Variants in ACER3 observed in about 807,000 individuals in gnomAD.
The protein encoded by ACER3 is alkCDase 3.
ACER3 carries 16 observed loss-of-function variants against 48.9 expected under a neutral mutation model. The observed-to-expected ratio is 0.33, with a 90% confidence interval of 0.22 to 0.50. The LOEUF (loss-of-function observed/expected upper bound fraction) is 0.50. Ranked by LOEUF, ACER3 falls within the 20% of genes least tolerant of loss-of-function variation. The probability of loss-of-function intolerance (pLI) is 0.98; values close to 1 mark genes in which losing one functional copy is unlikely to be tolerated. For synonymous variants in ACER3, 109 were observed against 107.8 expected, an observed-to-expected ratio of 1.01 and a Z score of -0.07; for missense variants, 227 against 326.0, an observed-to-expected ratio of 0.70 and a Z score of 2.34.
chr11:76,964,954 G>A (rs557727360), intron 3 of ACER3, among the ~76,000 whole-genome samples: 2 of 151,482 alleles, frequency 1.3e-5, no homozygotes, highest in South Asian at 4.1e-4. Flanking sequence ...AACAAAGCTG[G>A]ACGGAGAATG....
chr11:77,005,991 A>ATATATT lies in ACER3; in HGVS notation c.497+7171_497+7172insATATTT, dbSNP rs1388727709. ...TATATACATATATATATATATATAT[A>ATATATT]TTTTTTTTTTTTTTTGAGCCAGAGT... On this transcript the variant is annotated intron_variant, in intron 7 of 10. Coordinates refer to ENST00000532485, the MANE Select transcript of ACER3 (RefSeq NM_018367.7). 2.0e-4 allele frequency among the ~76,000 whole-genome samples: 20 copies of ATATATT among 100,876 alleles called. 1 individual carries two copies. Among genetic ancestry groups the ATATATT allele is most frequent in the African/African-American group, 7.9e-4 (20 of 25,294 alleles). 66.2% of individuals were successfully genotyped at this position (100,876 alleles called of 152,430 possible).
chr11:76,971,368 C>T (rs181212230), intron 3 of ACER3, among the ~76,000 whole-genome samples: 12 of 151,924 alleles, frequency 7.9e-5, no homozygotes, highest in Non-Finnish European at 1.2e-4. Context: ...GGTGAAACCC[C>T]GTCTCCACTA....
chr11:76,947,994 C>T (rs980852275), intron 2 of ACER3, among the ~76,000 whole-genome samples: 2 of 152,136 alleles, frequency 1.3e-5, no homozygotes, highest in African/African-American at 4.8e-5. Context: ...GTAGAATTGC[C>T]TAAGGCGGAA....
chr11:76,921,438 A>G (rs1392192259), intron 1 of ACER3, among the ~76,000 whole-genome samples: 4 of 152,204 alleles, frequency 2.6e-5, no homozygotes, highest in Non-Finnish European at 4.4e-5. Flanking sequence ...TTTTTCCTAT[A>G]TAAATATGCA....
intron 6 of ACER3, 57 bp downstream of exon 6, chr11:76,990,631 G>T: frequency 8.9e-7 from 1 of 1,128,954 alleles, no homozygotes; most frequent in South Asian, 1.3e-5. Flanking sequence ...GCTGCTTTGT[G>T]ATTTCCTTGT....
chr11:76,942,943 A>G (rs566094861), intron 2 of ACER3, among the ~76,000 whole-genome samples: 7 of 151,878 alleles, frequency 4.6e-5, no homozygotes, highest in African/African-American at 1.2e-4. Flanking sequence ...GAATTTATCT[A>G]TTTCCTCTAG....
chr11:76,952,907 C>A (rs1947723175), intron 2 of ACER3, among the ~76,000 whole-genome samples: 1 of 151,970 alleles, frequency 6.6e-6, no homozygotes, highest in Non-Finnish European at 1.5e-5. Flanking sequence ...CTCTAGTGAT[C>A]TGCCTGCCTC....
rs565776454 is a variant in ACER3 at position 76,998,693 on chromosome 11, G to A, written c.439-70G>A. On this transcript the variant is annotated intron_variant, in intron 6 of 10. Transcript: ENST00000532485. Reference sequence around the variant, plus strand: ...TACATTTAATTGGGAAGGCTATTTTGGTAGGCAAAATAGACTTCCTTTGCC... The same window carrying A: ...TACATTTAATTGGGAAGGCTATTTTAGTAGGCAAAATAGACTTCCTTTGCC... 1.1e-3 allele frequency: 1,238 copies of A among 1,082,644 alleles called. 17 individuals are homozygous for A. The South Asian group carries it at 0.018, about 16-fold the overall frequency. 67.1% of individuals were successfully genotyped at this position (1,082,644 alleles called of 1,614,324 possible). A position where few individuals can be genotyped will look rare whatever the true frequency, so the allele number is the denominator to read the frequency against.
At position 76,874,039 on chromosome 11, in the gene ACER3, G is replaced by T. The variant is rs187839915; in HGVS notation, c.103+12960G>T. Among the ~76,000 whole-genome samples, 593 of 152,234 alleles carry T rather than the reference G, an allele frequency of 3.9e-3. 1 individual carries two copies. The highest frequency in any genetic ancestry group is 6.1e-3 in the Non-Finnish European group (415 of 68,004). ...GAATATTCAAAAGAAGTAAAGGCAT[G>T]AAGAAACATTTTAAGACCCAGCAAA... On this transcript the variant is annotated intron_variant, in intron 1 of 10. Coordinates refer to ENST00000532485, the MANE Select transcript of ACER3 (RefSeq NM_018367.7).
At chr11:76,992,580 A>T (rs1245974049) in intron 6 of ACER3, among the ~76,000 whole-genome samples, 1 of 152,198 alleles carries the variant, frequency 6.6e-6, no homozygotes, top group Admixed American at 6.5e-5. Flanking sequence ...AGGCCTAGAG[A>T]TTAAAAATCA....
chr11:76,932,800 G>C (rs1332683442), intron 2 of ACER3, among the ~76,000 whole-genome samples: 1 of 152,152 alleles, frequency 6.6e-6, no homozygotes, highest in East Asian at 1.9e-4. Context: ...CAGTGTTTCA[G>C]ACTTGGAGAT....
At chr11:76,986,065 A>T (rs907994768) in intron 5 of ACER3, among the ~76,000 whole-genome samples, 2 of 152,234 alleles carry the variant, frequency 1.3e-5, no homozygotes, top group African/African-American at 4.8e-5. Context: ...CATTGGTCCA[A>T]ATGTGACTGT....
intron 2 of ACER3, among the ~76,000 whole-genome samples, chr11:76,951,539 G>A (rs753413982): frequency 2.0e-5 from 3 of 152,206 alleles, no homozygotes; most frequent in Non-Finnish European, 4.4e-5. Context: ...CTTGTTAAAT[G>A]TGGAGATGTG....
At chr11:76,990,830 A>G (rs1260667190) in intron 6 of ACER3, among the ~76,000 whole-genome samples, 2 of 152,228 alleles carry the variant, frequency 1.3e-5, no homozygotes, top group Non-Finnish European at 2.9e-5. Context: ...CAGGTGCAAC[A>G]TTGCTATTAT....
intron 2 of ACER3, among the ~76,000 whole-genome samples, chr11:76,932,723 A>G (rs527552948): frequency 6.6e-6 from 1 of 152,314 alleles, no homozygotes; most frequent in African/African-American, 2.4e-5. Flanking sequence ...ACTAGGAGAA[A>G]CAGTATTATG....
At chr11:76,905,127 C>T (rs542515801) in intron 1 of ACER3, among the ~76,000 whole-genome samples, 2 of 152,250 alleles carry the variant, frequency 1.3e-5, no homozygotes, top group East Asian at 3.9e-4. Flanking sequence ...GCCGGGTTTA[C>T]AAGCATGAGC....
rs993448055 is a variant in ACER3 at position 76,965,351 on chromosome 11, C to T, written c.267+6320C>T. 4.6e-5 allele frequency among the ~76,000 whole-genome samples: 7 copies of T among 151,338 alleles called. 1 individual carries two copies. Among genetic ancestry groups the T allele is most frequent in the African/African-American group, 1.5e-4 (6 of 40,680 alleles). ...GTCTGATTGTTGTACCTGAAAGTGA[C>T]AGGGAGAATGGAACCAAGTTGGAAA... On this transcript the variant is annotated intron_variant, in intron 3 of 10. Coordinates refer to ENST00000532485, the MANE Select transcript of ACER3 (RefSeq NM_018367.7).
intron 2 of ACER3, among the ~76,000 whole-genome samples, chr11:76,928,818 A>C (rs942940435): frequency 2.0e-5 from 3 of 152,224 alleles, no homozygotes; most frequent in African/African-American, 7.2e-5. Flanking sequence ...CCATTGGTCT[A>C]TATCTCTGTT....
At chr11:76,908,005 G>A (rs1409695805) in intron 1 of ACER3, among the ~76,000 whole-genome samples, 3 of 152,204 alleles carry the variant, frequency 2.0e-5, no homozygotes, top group Non-Finnish European at 2.9e-5. Context: ...GGAGGCCAAG[G>A]CAAGTGGATC....
Sources: allele counts gnomAD v4.1 joint callset (sites outside exome capture counted in the v4.1 genomes callset), GRCh38; gene constraint gnomAD v4.1.1; transcripts MANE v1.5; gene names NCBI Gene and HGNC (gene_info 2026-07-23, HGNC 2026-07-21).